The following PDE4D variants were observed in gnomAD, a reference collection of about 807,000 sequenced individuals.
PDE4D encodes the protein 3',5'-cyclic-AMP phosphodiesterase 4D.
A neutral mutation model predicts 87.4 loss-of-function variants in PDE4D; 24 were observed. The ratio of observed to expected loss-of-function variants is 0.27; its 90% CI spans 0.20 to 0.39. The LOEUF (loss-of-function observed/expected upper bound fraction) is 0.39, where lower values mean the gene tolerates loss of function less well. Ranked by LOEUF, PDE4D falls within the 10% of genes least tolerant of loss-of-function variation. PDE4D has a pLI of 1.00. For missense variants in PDE4D, 714 were observed against 1,041.0 expected (o/e 0.69, Z 4.32); for synonymous variants, 384 against 383.2 (o/e 1.00, Z -0.02).
At chr5:59,243,275 A>G (rs992509679) in intron 1 of PDE4D, among the ~76,000 whole-genome samples, 2 of 152,204 alleles carry the variant, frequency 1.3e-5, no homozygotes, top group Non-Finnish European at 2.9e-5. Context: ...TTTAGAAGGC[A>G]GATTTTTGTA....
intron 1 of PDE4D, among the ~76,000 whole-genome samples, chr5:60,412,876 G>A (rs1018633531): frequency 2.6e-5 from 4 of 152,036 alleles, no homozygotes; most frequent in Non-Finnish European, 5.9e-5. Flanking sequence ...CTTAAGGTAG[G>A]TTTTAATCAA....
At chr5:60,183,622 A>G (rs1784548779) in intron 2 of PDE4D, among the ~76,000 whole-genome samples, 1 of 152,220 alleles carries the variant, frequency 6.6e-6, no homozygotes, top group Admixed American at 6.5e-5. Context: ...GTAGGGAGGA[A>G]CAGAGACTGT....
chr5:59,647,872 C>A (rs1485652663), intron 1 of PDE4D, among the ~76,000 whole-genome samples: 1 of 152,026 alleles, frequency 6.6e-6, no homozygotes, highest in African/African-American at 2.4e-5. Flanking sequence ...TTTTATATAT[C>A]TTTGCAGGAA....
At chr5:59,809,960 T>C (rs897772585) in intron 1 of PDE4D, among the ~76,000 whole-genome samples, 8 of 152,218 alleles carry the variant, frequency 5.3e-5, no homozygotes, top group Non-Finnish European at 8.8e-5. Context: ...ATACACATAT[T>C]GAATAAAAAA....
intron 1 of PDE4D, among the ~76,000 whole-genome samples, chr5:60,224,576 C>T (rs1194579179): frequency 1.3e-5 from 2 of 152,020 alleles, no homozygotes; most frequent in African/African-American, 4.8e-5. Flanking sequence ...CTCCCTCTCC[C>T]CTACAGGCAG....
At chr5:58,986,998 TAA>T (rs1222945048) in intron 11 of PDE4D, among the ~76,000 whole-genome samples, 1 of 152,152 alleles carries the variant, frequency 6.6e-6, no homozygotes, top group African/African-American at 2.4e-5. Flanking sequence ...AAATTTTATG[TAA>T]AAATACATTT....
chr5:59,129,449 A>G (rs1020043579), intron 5 of PDE4D, among the ~76,000 whole-genome samples: 1 of 152,122 alleles, frequency 6.6e-6, no homozygotes, highest in Non-Finnish European at 1.5e-5. Flanking sequence ...AAGAAGGAGC[A>G]AAGATTTATC....
intron 3 of PDE4D, among the ~76,000 whole-genome samples, chr5:59,969,503 T>C (rs1328848183): frequency 1.3e-5 from 2 of 152,212 alleles, no homozygotes; most frequent in African/African-American, 4.8e-5. Context: ...ATGTCTCACC[T>C]GCCAGGTCTT....
chr5:59,319,243 C>T (rs1774286485), intron 1 of PDE4D, among the ~76,000 whole-genome samples: 1 of 151,234 alleles, frequency 6.6e-6, no homozygotes, highest in South Asian at 2.1e-4. Context: ...AACATTTTGT[C>T]AAGGGAAAAT....
intron 6 of PDE4D, among the ~76,000 whole-genome samples, chr5:59,007,970 C>G (rs10056025): frequency 0.1 from 15,178 of 152,062 alleles, 1,021 homozygotes; most frequent in Non-Finnish European, 0.13. Context: ...TTATATTTCT[C>G]TTCTACATGG....
At chr5:59,498,245 C>G (rs2153663224) in intron 1 of PDE4D, among the ~76,000 whole-genome samples, 1 of 151,610 alleles carries the variant, frequency 6.6e-6, no homozygotes, top group South Asian at 2.1e-4. Context: ...AGATAGCCCA[C>G]AGGCCCTAAG....
At chr5:59,732,884 G>A (rs577413740) in intron 1 of PDE4D, among the ~76,000 whole-genome samples, 178 of 152,116 alleles carry the variant, frequency 1.2e-3, no homozygotes, top group South Asian at 3.1e-3. Context: ...GAGAATTGAT[G>A]GTATTTAATA....
At chr5:60,284,862 C>T (rs1020424904) in intron 1 of PDE4D, among the ~76,000 whole-genome samples, 2 of 152,052 alleles carry the variant, frequency 1.3e-5, no homozygotes, top group African/African-American at 4.8e-5. Context: ...TTATAAATGG[C>T]AACACTTAAA....
At chr5:59,201,066 C>A (rs1254401677) in intron 2 of PDE4D, among the ~76,000 whole-genome samples, 1 of 151,858 alleles carries the variant, frequency 6.6e-6, no homozygotes, top group Non-Finnish European at 1.5e-5. Flanking sequence ...TTATGTGAAT[C>A]CAAATGTATT....
intron 1 of PDE4D, among the ~76,000 whole-genome samples, chr5:60,224,005 G>T (rs1393060061): frequency 6.6e-6 from 1 of 152,046 alleles, no homozygotes; most frequent in East Asian, 1.9e-4. Context: ...TGGCTAGCAA[G>T]GCTGCAGTGT....
chr5:59,368,928 A>G (rs1190042811), intron 1 of PDE4D, among the ~76,000 whole-genome samples: 1 of 152,246 alleles, frequency 6.6e-6, no homozygotes, highest in Non-Finnish European at 1.5e-5. Context: ...CATAATTAAA[A>G]AGCAATGGCA....
chr5:59,982,701 C>T (rs184888974), intron 3 of PDE4D, among the ~76,000 whole-genome samples: 2 of 152,300 alleles, frequency 1.3e-5, no homozygotes, highest in East Asian at 1.9e-4. Context: ...ATGCCAGATA[C>T]AGACTTCTGA....
At chr5:60,263,808 C>T (rs955154825) in intron 1 of PDE4D, among the ~76,000 whole-genome samples, 1 of 151,924 alleles carries the variant, frequency 6.6e-6, no homozygotes, top group Non-Finnish European at 1.5e-5. Flanking sequence ...GTATAAGGCA[C>T]CCTGGAAAGA....
At chr5:59,806,618 AT>A (rs1767763902) in intron 1 of PDE4D, among the ~76,000 whole-genome samples, 1 of 152,228 alleles carries the variant, frequency 6.6e-6, no homozygotes, top group Non-Finnish European at 1.5e-5. Flanking sequence ...ATTCAAGTTT[AT>A]TATTTCTTGA....
Sources: allele counts gnomAD v4.1 joint callset (sites outside exome capture counted in the v4.1 genomes callset), GRCh38; gene constraint gnomAD v4.1.1; transcripts MANE v1.5; gene names NCBI Gene and HGNC (gene_info 2026-07-23, HGNC 2026-07-21).